Variants in CD55 observed in about 807,000 individuals in gnomAD.
CD55 encodes CD55 molecule (Cromer blood group), also known as complement decay-accelerating factor.
Under a neutral mutation model 45.8 loss-of-function variants are expected in CD55, and 41 were observed. The ratio of observed to expected loss-of-function variants is 0.90; its 90% CI spans 0.70 to 1.16. The LOEUF is 1.16. Ranked by LOEUF, CD55 falls within the 50% of genes most tolerant of loss-of-function variation. The probability of loss-of-function intolerance (pLI) is 0.00; values close to 1 mark genes in which losing one functional copy is unlikely to be tolerated. For synonymous variants in CD55, 181 were observed against 181.1 expected (o/e 1.00, Z 0.01); for missense variants, 416 against 469.8 (o/e 0.89, Z 1.06).
chr1:207,350,519 G>A (rs2102435511), intron 9 of CD55, among the ~76,000 whole-genome samples: 1 of 152,188 alleles, frequency 6.6e-6, no homozygotes, highest in South Asian at 2.1e-4. Context: ...TTAAATTACT[G>A]ATTCAATTTA....
chr1:207,334,039 C>T (rs1018141639), intron 6 of CD55, among the ~76,000 whole-genome samples: 1 of 151,804 alleles, frequency 6.6e-6, no homozygotes, highest in African/African-American at 2.4e-5. Context: ...GTACATTAGC[C>T]AACAGATTCA....
chr1:207,324,848 T>C, intron 3 of CD55, 98 bp downstream of exon 3: 3 of 607,880 alleles, frequency 4.9e-6, no homozygotes, highest in Non-Finnish European at 8.3e-6. Flanking sequence ...GTATATATTA[T>C]TATATAGGAT....
rs769340426 is a variant in CD55 at position 207,321,805 on chromosome 1, C to T, written c.40C>T (p.Leu14Phe). Residue 14 changes from leucine to phenylalanine, a missense_variant, in exon 1 of 10, where the codon CTC (leucine) becomes TTC (phenylalanine). Physicochemically the swap from Leu to Phe is conservative, Grantham distance 22 (BLOSUM62 0). Coordinates refer to ENST00000367064, the MANE Select transcript of CD55 (RefSeq NM_000574.5). Reference sequence around the variant, plus strand: ...GCCGAGCGTGCCCGCGGCGCTGCCCCTCCTCGGGGAGCTGCCCCGGCTGCT... The same window carrying T: ...GCCGAGCGTGCCCGCGGCGCTGCCCTTCCTCGGGGAGCTGCCCCGGCTGCT... Reference protein sequence around the residue: ...ARPSVPAALPLLGELPRLLLL... With the variant: ...ARPSVPAALPFLGELPRLLLL... The T allele has an allele frequency of 1.3e-6, 2 of 1,527,584 alleles. No homozygotes were observed. The highest frequency in any genetic ancestry group is 1.2e-5 in the South Asian group (1 of 83,416). 94.6% of individuals were successfully genotyped at this position (1,527,584 alleles called of 1,614,324 possible). A position where few individuals can be genotyped will look rare whatever the true frequency, so the allele number is the denominator to read the frequency against.
At chr1:207,346,175 G>A (rs1186548251) in intron 9 of CD55, among the ~76,000 whole-genome samples, 1 of 152,246 alleles carries the variant, frequency 6.6e-6, no homozygotes, top group African/African-American at 2.4e-5. Context: ...GTCTGTGCCA[G>A]TGTTGGCTGT....
chr1:207,328,930 C>G (rs559064443), intron 5 of CD55, among the ~76,000 whole-genome samples: 71 of 152,290 alleles, frequency 4.7e-4, no homozygotes, highest in Admixed American at 8.5e-4. Context: ...ATCAAATAGC[C>G]CTTCCTCTTC....
rs926574660 is a variant in CD55, at chr1:207,329,509, G to A, written c.665-1599G>A. 9.2e-5 allele frequency among the ~76,000 whole-genome samples: 14 copies of A among 152,252 alleles called. No individual in the cohort carries two copies. The East Asian group carries it at 1.7e-3, about 19-fold the overall frequency. ...AAAAGCCCAAATTCCTTAGTATAGT[G>A]TACAAGGCAGCCATGGTCTACCTAC... On this transcript the variant is annotated intron_variant, in intron 5 of 9. Transcript: ENST00000367064.
rs948624782 is a variant in CD55, at chr1:207,325,291, T to C, written c.479-331T>C. 5.5e-5 allele frequency among the ~76,000 whole-genome samples: 8 copies of C among 146,592 alleles called. No individual in the cohort carries two copies. In the East Asian group the frequency reaches 1.6e-3, roughly 29 times the overall value. ...CAGAGGTTGCAGTGAGCTGAGATTA[T>C]GTCACCGCGCTCCAGCCTGGGCAAC... On this transcript the variant is annotated intron_variant, in intron 3 of 9. Coordinates refer to ENST00000367064, the MANE Select transcript of CD55 (RefSeq NM_000574.5).
At chr1:207,340,604 G>C (rs28738991) in intron 9 of CD55, 1 of 682,004 alleles carries the variant, frequency 1.5e-6, no homozygotes, top group Non-Finnish European at 2.7e-6. Flanking sequence ...ACTCCTGGCC[G>C]TAAGCGATTT....
chr1:207,344,163 G>A (rs1029189213), intron 9 of CD55, among the ~76,000 whole-genome samples: 39 of 152,140 alleles, frequency 2.6e-4, no homozygotes, highest in African/African-American at 8.0e-4. Flanking sequence ...TTTACATTCA[G>A]GGTTATTGAT....
rs1371406985 is a variant in CD55 at position 207,347,340 on chromosome 1, A to G, written c.1081+7923A>G. The G allele has an allele frequency of 1.3e-5, 5 of 391,346 alleles. No homozygotes were observed. The Admixed American group carries it at 1.4e-4, about 11-fold the overall frequency. 24.2% of individuals were successfully genotyped at this position (391,346 alleles called of 1,614,324 possible). A position where few individuals can be genotyped will look rare whatever the true frequency, so the allele number is the denominator to read the frequency against. The stretch of plus-strand genomic sequence containing the variant: ...AGTGGCGTGATCTCGGCTCACTGCA[A>G]GCTCTGCCTCCCGGGTTCACGCCAT... On this transcript the variant is annotated intron_variant, in intron 9 of 9. Coordinates refer to ENST00000367064, the MANE Select transcript of CD55 (RefSeq NM_000574.5).
chr1:207,330,671 A>T (rs541498637), intron 5 of CD55, among the ~76,000 whole-genome samples: 11 of 152,316 alleles, frequency 7.2e-5, no homozygotes, highest in African/African-American at 2.6e-4. Context: ...AGTGAAGAGC[A>T]ACGCTTTCTC....
intron 9 of CD55, among the ~76,000 whole-genome samples, chr1:207,349,181 TATTA>T (rs1482512831): frequency 2.6e-5 from 4 of 151,438 alleles, no homozygotes; most frequent in Non-Finnish European, 5.9e-5. Flanking sequence ...AAAAATTTTG[TATTA>T]ATTTTTTTTT....
At chr1:207,355,177 G>A (rs1656028820) in intron 9 of CD55, among the ~76,000 whole-genome samples, 3 of 152,158 alleles carry the variant, frequency 2.0e-5, no homozygotes, top group African/African-American at 7.2e-5. Context: ...TCACATGGCA[G>A]TGCAATTGTA....
intron 9 of CD55, among the ~76,000 whole-genome samples, chr1:207,352,962 T>C (rs1186063809): frequency 6.6e-6 from 1 of 151,670 alleles, no homozygotes; most frequent in South Asian, 2.1e-4. Context: ...AACTGTGGTT[T>C]TGCAAAATTT....
intron 9 of CD55, chr1:207,353,904 C>T: frequency 9.3e-7 from 1 of 1,075,228 alleles, no homozygotes; most frequent in Non-Finnish European, 1.3e-6. Flanking sequence ...CACTTGTCCA[C>T]AGGCCCTTTA....
chr1:207,328,218 G>A (rs1034659671), intron 5 of CD55, among the ~76,000 whole-genome samples: 3 of 152,118 alleles, frequency 2.0e-5, no homozygotes, highest in Middle Eastern at 3.2e-3. Context: ...TTTCCTCCTT[G>A]ACTCTTCTAT....
chr1:207,345,348 A>G (rs1298748710), intron 9 of CD55, among the ~76,000 whole-genome samples: 1 of 152,062 alleles, frequency 6.6e-6, no homozygotes, highest in Middle Eastern at 3.4e-3. Context: ...CAAGTATATT[A>G]TGTATTTAAT....
rs1358396214 is a variant in CD55, at chr1:207,353,203, A to G, written c.1082-6343A>G. ...AGATAGAAAGATGCTCATCCTAGTGACAGACCAAGAGACAATACAACCCAA... is the reference window on the plus strand; with the variant it reads ...AGATAGAAAGATGCTCATCCTAGTGGCAGACCAAGAGACAATACAACCCAA... On this transcript the variant is annotated intron_variant, in intron 9 of 9. Coordinates refer to ENST00000367064, the MANE Select transcript of CD55 (RefSeq NM_000574.5). Among the ~76,000 whole-genome samples the G allele has an allele frequency of 3.9e-5, 6 of 152,002 alleles. No homozygotes were observed. The East Asian group carries it at 1.2e-3, about 29-fold the overall frequency.
intron 9 of CD55, among the ~76,000 whole-genome samples, chr1:207,351,925 G>C (rs1483477958): frequency 6.6e-6 from 1 of 152,038 alleles, no homozygotes; most frequent in South Asian, 2.1e-4. Context: ...CATTTTTTGT[G>C]TGTGATTTCA....
Sources: allele counts gnomAD v4.1 joint callset (sites outside exome capture counted in the v4.1 genomes callset), GRCh38; gene constraint gnomAD v4.1.1; transcripts MANE v1.5; gene names NCBI Gene and HGNC (gene_info 2026-07-23, HGNC 2026-07-21).